Variants in PLCL2 observed in about 807,000 individuals in gnomAD.
PLCL2 encodes the protein phospholipase C like 2.
Under a neutral mutation model 79.6 loss-of-function variants are expected in PLCL2, and 4 were observed. The observed-to-expected ratio is 0.05, with a 90% CI of 0.02 to 0.11. The LOEUF (loss-of-function observed/expected upper bound fraction) is 0.11. Ranked by LOEUF, PLCL2 falls within the 10% of genes least tolerant of loss-of-function variation. The pLI, the probability that PLCL2 is intolerant of heterozygous loss-of-function variation, is 1.00. For missense variants in PLCL2, 895 were observed against 1,291.0 expected (o/e 0.69, Z 4.70); for synonymous variants, 484 against 457.7 (o/e 1.06, Z -0.73).
intron 1 of PLCL2, among the ~76,000 whole-genome samples, chr3:16,944,704 A>G (rs1191876029): frequency 1.3e-5 from 2 of 151,986 alleles, no homozygotes; most frequent in African/African-American, 4.8e-5. Context: ...AAGAAAATAA[A>G]GTCATGTTTT....
chr3:16,991,560 A>G (rs2064105660), intron 1 of PLCL2, among the ~76,000 whole-genome samples: 1 of 152,182 alleles, frequency 6.6e-6, no homozygotes, highest in South Asian at 2.1e-4. Context: ...AATCCATTAT[A>G]TCTTCTAACT....
intron 1 of PLCL2, among the ~76,000 whole-genome samples, chr3:16,899,166 C>A (rs1443024359): frequency 6.6e-6 from 1 of 152,228 alleles, no homozygotes; most frequent in East Asian, 1.9e-4. Context: ...TGAGTTGAAT[C>A]TTGGCCTCAA....
intron 2 of PLCL2, 116 bp downstream of exon 2, chr3:17,012,276 A>T: frequency 2.2e-6 from 2 of 908,924 alleles, no homozygotes. Context: ...TTAAATTCTG[A>T]TTAGTTCTTA....
At chr3:16,943,644 T>C (rs1243879921) in intron 1 of PLCL2, among the ~76,000 whole-genome samples, 2 of 152,220 alleles carry the variant, frequency 1.3e-5, no homozygotes, top group South Asian at 2.1e-4. Flanking sequence ...ACATAACATA[T>C]GTGTTTTTAA....
At chr3:16,957,097 T>G (rs970469137) in intron 1 of PLCL2, among the ~76,000 whole-genome samples, 7 of 152,326 alleles carry the variant, frequency 4.6e-5, no homozygotes, top group African/African-American at 1.2e-4. Context: ...CTGTTGCTTT[T>G]CTAGTTCTTT....
At chr3:17,089,617 A>T in intron 5 of PLCL2, 116 bp from the exon 6 acceptor site, 1 of 692,784 alleles carries the variant, frequency 1.4e-6, no homozygotes. Flanking sequence ...ATAAGAAATA[A>T]TTATGCCTTC....
At chr3:16,946,718 G>T (rs957204276) in intron 1 of PLCL2, among the ~76,000 whole-genome samples, 11 of 152,020 alleles carry the variant, frequency 7.2e-5, no homozygotes, top group Non-Finnish European at 1.0e-4. Context: ...TCTATAAATG[G>T]AATATGGTGT....
At chr3:16,920,611 A>G (rs895018726) in intron 1 of PLCL2, among the ~76,000 whole-genome samples, 1 of 152,184 alleles carries the variant, frequency 6.6e-6, no homozygotes, top group Non-Finnish European at 1.5e-5. Context: ...ATGGCTATTG[A>G]TGAGGATGGA....
chr3:16,963,292 C>T (rs1407723261), intron 1 of PLCL2, among the ~76,000 whole-genome samples: 2 of 151,908 alleles, frequency 1.3e-5, no homozygotes, highest in African/African-American at 4.8e-5. Context: ...TATATATATA[C>T]ATACACACAT....
chr3:16,979,067 G>A (rs1575566572), intron 1 of PLCL2, among the ~76,000 whole-genome samples: 2 of 152,132 alleles, frequency 1.3e-5, no homozygotes, highest in Non-Finnish European at 2.9e-5. Context: ...TTGACTTTTG[G>A]ATGGTAAGCC....
intron 1 of PLCL2, among the ~76,000 whole-genome samples, chr3:16,972,458 G>A (rs1352743650): frequency 6.6e-6 from 1 of 152,160 alleles, no homozygotes; most frequent in African/African-American, 2.4e-5. Context: ...GTGCAAATAA[G>A]AAGAATGTAT....
intron 1 of PLCL2, among the ~76,000 whole-genome samples, chr3:16,983,542 C>T (rs536868499): frequency 6.6e-6 from 1 of 152,278 alleles, no homozygotes; most frequent in East Asian, 1.9e-4. Context: ...TGGTGGCCGG[C>T]ACCTGTAATC....
At chr3:16,999,954 T>C (rs1002044952) in intron 1 of PLCL2, among the ~76,000 whole-genome samples, 6 of 152,196 alleles carry the variant, frequency 3.9e-5, no homozygotes, top group Admixed American at 1.3e-4. Context: ...ACATTTTCTC[T>C]TAGGAAGTGA....
chr3:16,928,752 A>G (rs943252338), intron 1 of PLCL2, among the ~76,000 whole-genome samples: 1 of 152,254 alleles, frequency 6.6e-6, no homozygotes, highest in Non-Finnish European at 1.5e-5. Context: ...TGTGAAGCCT[A>G]GCTAAAGTAT....
At chr3:17,022,316 G>A (rs984939084) in intron 3 of PLCL2, among the ~76,000 whole-genome samples, 2 of 152,020 alleles carry the variant, frequency 1.3e-5, no homozygotes, top group Non-Finnish European at 2.9e-5. Flanking sequence ...AAAAGTAGAG[G>A]AGTTACTTCC....
intron 1 of PLCL2, among the ~76,000 whole-genome samples, chr3:16,944,447 C>G (rs760535646): frequency 6.6e-6 from 1 of 151,768 alleles, no homozygotes; most frequent in Non-Finnish European, 1.5e-5. Flanking sequence ...AAGTTTTAAC[C>G]CTTAGTGCCT....
chr3:17,037,900 A>G (rs1334850423), intron 3 of PLCL2, among the ~76,000 whole-genome samples: 6 of 152,116 alleles, frequency 3.9e-5, no homozygotes, highest in African/African-American at 1.4e-4. Context: ...AGCAGTCTAT[A>G]GAAATCTAGT....
In PLCL2 at chr3:16,927,361, A is replaced by G. The variant is rs368819876; in HGVS notation, c.327+41995A>G. On this transcript the variant is annotated intron_variant, in intron 1 of 5. Coordinates refer to ENST00000615277, the MANE Select transcript of PLCL2 (RefSeq NM_001144382.2). ...GATTGATAATAAAATACAAAAAAAA[A>G]TGAAATAAACAATAGAAGACAAATA... 3.9e-5 allele frequency among the ~76,000 whole-genome samples: 6 copies of G among 152,382 alleles called. No homozygotes were observed. In the East Asian group the frequency reaches 9.6e-4, roughly 24 times the overall value.
intron 1 of PLCL2, among the ~76,000 whole-genome samples, chr3:16,941,961 G>A (rs1392708783): frequency 6.6e-6 from 1 of 152,008 alleles, no homozygotes; most frequent in Non-Finnish European, 1.5e-5. Context: ...TTAAGAACCG[G>A]GACCATTCTT....
Sources: allele counts gnomAD v4.1 joint callset (sites outside exome capture counted in the v4.1 genomes callset), GRCh38; gene constraint gnomAD v4.1.1; transcripts MANE v1.5; gene names NCBI Gene and HGNC (gene_info 2026-07-23, HGNC 2026-07-21).